Variants in CSMD1 observed in about 807,000 individuals in gnomAD.
CSMD1 encodes the protein CUB and Sushi multiple domains 1, also known as CUB and sushi domain-containing protein 1.
A neutral mutation model predicts 417.5 loss-of-function variants in CSMD1; 213 were observed. The ratio of observed to expected loss-of-function variants is 0.51; its 90% confidence interval spans 0.46 to 0.57. CSMD1 has a LOEUF of 0.57. CSMD1 is among the 20% of genes least tolerant of loss of function. The probability of loss-of-function intolerance (pLI) is 0.00; values close to 1 mark genes in which losing one functional copy is unlikely to be tolerated. For synonymous variants in CSMD1, 2,862 were observed against 1,736.8 expected, an observed-to-expected ratio of 1.65 and a Z score of -16.11; for missense variants, 6,923 against 4,529.7, an observed-to-expected ratio of 1.53 and a Z score of -15.17.
chr8:3,143,085 A>T (rs769239551), intron 40 of CSMD1, among the ~76,000 whole-genome samples: 1 of 152,224 alleles, frequency 6.6e-6, no homozygotes, highest in Non-Finnish European at 1.5e-5. Context: ...AAGCTAACTG[A>T]TAGCTTTATC....
intron 5 of CSMD1, among the ~76,000 whole-genome samples, chr8:3,845,267 T>G (rs1803421240): frequency 6.6e-6 from 1 of 152,202 alleles, no homozygotes; most frequent in South Asian, 2.1e-4. Context: ...TTTGTCCTTG[T>G]GCAAATATCG....
At chr8:4,018,350 A>G (rs943303888) in intron 4 of CSMD1, among the ~76,000 whole-genome samples, 2 of 152,200 alleles carry the variant, frequency 1.3e-5, no homozygotes, top group Non-Finnish European at 2.9e-5. Flanking sequence ...TTTCATCCAC[A>G]AATAATGCCG....
chr8:4,565,431 T>C (rs1209874148), intron 2 of CSMD1, among the ~76,000 whole-genome samples: 1 of 152,010 alleles, frequency 6.6e-6, no homozygotes, highest in Non-Finnish European at 1.5e-5. Context: ...CAATAGCAAT[T>C]TTTTCAAGTA....
chr8:4,608,464 G>A (rs182983662), intron 2 of CSMD1, among the ~76,000 whole-genome samples: 2 of 152,186 alleles, frequency 1.3e-5, no homozygotes, highest in Non-Finnish European at 2.9e-5. Flanking sequence ...ACGTGGAGGA[G>A]GAGAGACAGA....
chr8:3,954,327 G>A (rs1052697585), intron 5 of CSMD1, among the ~76,000 whole-genome samples: 2 of 152,180 alleles, frequency 1.3e-5, no homozygotes, highest in Non-Finnish European at 2.9e-5. Flanking sequence ...GAAGGCTGAA[G>A]AGAGAAGGTC....
At position 2,938,254 on chromosome 8, in the gene CSMD1, T is replaced by C. The variant is rs1801629448; in HGVS notation, c.*331A>G. 8.3e-6 allele frequency: 2 copies of C among 240,774 alleles called. No individual in the cohort carries two copies. Among genetic ancestry groups the C allele is most frequent in the South Asian group, 1.5e-4 (1 of 6,830 alleles). The allele number at this position is 240,774 out of a possible 1,614,324, so 14.9% of individuals were successfully genotyped here. On this transcript the variant is annotated 3_prime_UTR_variant, in exon 70 of 70. Coordinates refer to ENST00000635120, the MANE Select transcript of CSMD1 (RefSeq NM_033225.6). The stretch of plus-strand genomic sequence containing the variant: ...GCCCAGACGATTGCATTGAAAGGCA[T>C]CTCAGCAACACAGAAATATGAAAGT...
intron 54 of CSMD1, among the ~76,000 whole-genome samples, chr8:2,985,491 C>A (rs1805814961): frequency 6.6e-6 from 1 of 152,188 alleles, no homozygotes; most frequent in Non-Finnish European, 1.5e-5. Context: ...CACTGTTTCA[C>A]CACTTTCCTT....
At chr8:4,612,203 A>G (rs186695010) in intron 2 of CSMD1, among the ~76,000 whole-genome samples, 10 of 152,326 alleles carry the variant, frequency 6.6e-5, no homozygotes, top group Admixed American at 5.9e-4. Flanking sequence ...GGCTGCAGGC[A>G]CACTGCCTTC....
At chr8:4,773,483 C>A (rs1188992988) in intron 1 of CSMD1, among the ~76,000 whole-genome samples, 2 of 152,104 alleles carry the variant, frequency 1.3e-5, no homozygotes, top group African/African-American at 4.8e-5. Context: ...TCTTTGTGTT[C>A]ATGGATAAAG....
intron 24 of CSMD1, 121 bp from the exon 25 acceptor site, chr8:3,307,942 A>G (rs1204407398): frequency 9.2e-7 from 1 of 1,092,048 alleles, no homozygotes; most frequent in African/African-American, 1.6e-5. Flanking sequence ...AAGAATCACC[A>G]TCATCTCTCT....
chr8:4,273,087 T>A (rs552924050), intron 3 of CSMD1, among the ~76,000 whole-genome samples: 1 of 151,986 alleles, frequency 6.6e-6, no homozygotes, highest in Non-Finnish European at 1.5e-5. Flanking sequence ...GGAAGAAGTA[T>A]AAAAAATATA....
chr8:4,114,076 C>G (rs1802004398), intron 3 of CSMD1, among the ~76,000 whole-genome samples: 1 of 152,146 alleles, frequency 6.6e-6, no homozygotes, highest in Non-Finnish European at 1.5e-5. Flanking sequence ...TCCATGTAGA[C>G]AAAACAGCCT....
intron 2 of CSMD1, among the ~76,000 whole-genome samples, chr8:4,471,901 G>C (rs532554924): frequency 5.4e-4 from 82 of 152,228 alleles, no homozygotes; most frequent in African/African-American, 1.8e-3. Context: ...GGCTACAAAG[G>C]TGTTTCCAAT....
chr8:3,717,395 T>C lies in CSMD1; in HGVS notation c.932-8904A>G, dbSNP rs570946340. Reference sequence around the variant, plus strand: ...AAAAGATATACACTGAGTCACACAGTATTAATTTTGTTTTTCTTTTCCATG... The same window carrying C: ...AAAAGATATACACTGAGTCACACAGCATTAATTTTGTTTTTCTTTTCCATG... On this transcript the variant is annotated intron_variant, in intron 6 of 69. Coordinates refer to ENST00000635120, the MANE Select transcript of CSMD1 (RefSeq NM_033225.6). Among the ~76,000 whole-genome samples, 9 of 150,974 alleles carry C rather than the reference T, an allele frequency of 6.0e-5. No individual in the cohort carries two copies. The South Asian group carries it at 8.6e-4, about 14-fold the overall frequency.
At chr8:3,665,106 T>A (rs923029113) in intron 7 of CSMD1, among the ~76,000 whole-genome samples, 1 of 152,182 alleles carries the variant, frequency 6.6e-6, no homozygotes, top group Non-Finnish European at 1.5e-5. Context: ...ACAATGCTTA[T>A]AATAAGAAAG....
chr8:4,294,337 A>C (rs952048576), intron 3 of CSMD1, among the ~76,000 whole-genome samples: 26 of 152,324 alleles, frequency 1.7e-4, no homozygotes, highest in African/African-American at 4.8e-4. Context: ...CGGTTTTCAA[A>C]ATAAACCCAA....
chr8:3,248,770 G>T (rs886229162), intron 26 of CSMD1, among the ~76,000 whole-genome samples: 1 of 151,884 alleles, frequency 6.6e-6, no homozygotes, highest in African/African-American at 2.4e-5. Flanking sequence ...TTTTGCAAAC[G>T]TGTCCATAGC....
intron 2 of CSMD1, among the ~76,000 whole-genome samples, chr8:4,597,389 T>C (rs906588706): frequency 6.6e-6 from 1 of 152,188 alleles, no homozygotes; most frequent in Non-Finnish European, 1.5e-5. Flanking sequence ...TATGTTGACC[T>C]GACCAAGGTT....
At chr8:3,383,857 CT>C (rs1810795062) in intron 18 of CSMD1, among the ~76,000 whole-genome samples, 1 of 152,074 alleles carries the variant, frequency 6.6e-6, no homozygotes, top group African/African-American at 2.4e-5. Flanking sequence ...GAAATAAAAA[CT>C]TTTGATATGT....
Sources: allele counts gnomAD v4.1 joint callset (sites outside exome capture counted in the v4.1 genomes callset), GRCh38; gene constraint gnomAD v4.1.1; transcripts MANE v1.5; gene names NCBI Gene and HGNC (gene_info 2026-07-23, HGNC 2026-07-21).